Variants in CDK8 observed in about 807,000 individuals in gnomAD.
CDK8 encodes the protein cyclin-dependent kinase 8.
CDK8 carries 29 observed loss-of-function variants against 71.5 expected under a neutral mutation model. The ratio of observed to expected loss-of-function variants is 0.41; its 90% CI spans 0.30 to 0.55. The LOEUF is 0.55. CDK8 is among the 20% of genes least tolerant of loss of function. The probability of loss-of-function intolerance (pLI) is 0.37; values close to 1 mark genes in which losing one functional copy is unlikely to be tolerated. For missense variants in CDK8, 288 were observed against 572.6 expected, an observed-to-expected ratio of 0.50 and a Z score of 5.07; for synonymous variants, 161 against 192.1, an observed-to-expected ratio of 0.84 and a Z score of 1.34.
chr13:26,327,287 C>G (rs1313363416), intron 1 of CDK8, among the ~76,000 whole-genome samples: 1 of 152,044 alleles, frequency 6.6e-6, no homozygotes, highest in African/African-American at 2.4e-5. Context: ...AATTAAATAA[C>G]ATTGTAGGAA....
At chr13:26,331,475 T>G (rs1035948899) in intron 1 of CDK8, among the ~76,000 whole-genome samples, 7 of 152,342 alleles carry the variant, frequency 4.6e-5, no homozygotes, top group Middle Eastern at 3.4e-3. Flanking sequence ...TTGGTTTTGT[T>G]GCCTGTGCTT....
intron 1 of CDK8, among the ~76,000 whole-genome samples, chr13:26,295,879 A>G (rs1040218803): frequency 6.6e-6 from 1 of 152,130 alleles, no homozygotes; most frequent in African/African-American, 2.4e-5. Flanking sequence ...GAAGATGGAG[A>G]TGATCATTTC....
chr13:26,319,948 A>T (rs1387452199), intron 1 of CDK8, among the ~76,000 whole-genome samples: 1 of 152,162 alleles, frequency 6.6e-6, no homozygotes, highest in Non-Finnish European at 1.5e-5. Context: ...TTTTACAAGG[A>T]TGCTAAGGCC....
At chr13:26,400,232 A>G (rs1876190283) in intron 9 of CDK8, 1 of 495,692 alleles carries the variant, frequency 2.0e-6, no homozygotes, top group South Asian at 2.5e-5. Context: ...GTCAGAGAAC[A>G]TAAGCAAGAG....
chr13:26,350,275 A>G (rs1331536069), intron 3 of CDK8, among the ~76,000 whole-genome samples: 1 of 152,166 alleles, frequency 6.6e-6, no homozygotes, highest in Non-Finnish European at 1.5e-5. Flanking sequence ...ACAAAATAAG[A>G]TTCGTGTGAA....
At chr13:26,258,143 C>T (rs1380898327) in intron 1 of CDK8, among the ~76,000 whole-genome samples, 2 of 152,044 alleles carry the variant, frequency 1.3e-5, no homozygotes, top group Admixed American at 6.6e-5. Context: ...GAAACTGAGG[C>T]TTAGAAAGGT....
intron 1 of CDK8, among the ~76,000 whole-genome samples, chr13:26,277,528 G>T (rs1041233377): frequency 6.6e-6 from 1 of 152,182 alleles, no homozygotes; most frequent in Non-Finnish European, 1.5e-5. Context: ...ACTAGAGCAG[G>T]TTTGGAGAAA....
chr13:26,276,012 G>T (rs902978595), intron 1 of CDK8, among the ~76,000 whole-genome samples: 3 of 152,110 alleles, frequency 2.0e-5, no homozygotes, highest in Non-Finnish European at 4.4e-5. Flanking sequence ...ACAGGTGCAT[G>T]CCACTACGGC....
intron 4 of CDK8, among the ~76,000 whole-genome samples, chr13:26,372,603 G>A (rs1198032540): frequency 1.3e-5 from 2 of 152,116 alleles, no homozygotes; most frequent in Non-Finnish European, 2.9e-5. Context: ...AAATGGTAGT[G>A]CTCAGTTGTT....
chr13:26,343,324 CTAAATATTTGTATATCTGAGCATAT>C (rs1873321041), intron 2 of CDK8, among the ~76,000 whole-genome samples: 1 of 151,828 alleles, frequency 6.6e-6, no homozygotes, highest in African/African-American at 2.4e-5. Flanking sequence ...TAACACAATG[CTAAATATTTGTATATCTGAGCATAT>C]TAAATAGAAA....
Position 26,404,833 on chromosome 13 carries a change from A to C in CDK8, c.*752A>C, listed in dbSNP as rs1378875359. The stretch of plus-strand genomic sequence containing the variant: ...CTGTTTGGTTCAGCAAACAAACTAA[A>C]ATGATTGTCATAGACAGTGTTTTAT... On this transcript the variant is annotated 3_prime_UTR_variant, in exon 13 of 13. Transcript: ENST00000381527. 5 of 216,126 alleles carry C rather than the reference A, an allele frequency of 2.3e-5. No individual in the cohort carries two copies. The highest frequency in any genetic ancestry group is 9.0e-5 in the African/African-American group (4 of 44,434). 13.4% of individuals were successfully genotyped at this position (216,126 alleles called of 1,614,324 possible).
intron 1 of CDK8, among the ~76,000 whole-genome samples, chr13:26,288,241 C>T (rs1363069476): frequency 6.6e-6 from 1 of 152,150 alleles, no homozygotes; most frequent in African/African-American, 2.4e-5. Flanking sequence ...GGGTTACAGG[C>T]GTGAGCCACT....
In CDK8 at chr13:26,393,361, T is replaced by C. The variant is rs775575000; in HGVS notation, c.647-6T>C. ...CTTTCTTTTTTTTTTTCTTTTTGTT[T>C]TAAAGATATTTGGGCTATAGGGTGT... On this transcript the variant is annotated splice_region_variant and splice_polypyrimidine_tract_variant and intron_variant, in intron 6 of 12. Transcript: ENST00000381527. The C allele has an allele frequency of 6.6e-7, 1 of 1,512,092 alleles. No individual in the cohort carries two copies. The highest frequency in any genetic ancestry group is 8.9e-7 in the Non-Finnish European group (1 of 1,125,740). 93.7% of individuals were successfully genotyped at this position (1,512,092 alleles called of 1,614,324 possible).
At chr13:26,290,412 A>G (rs1246038153) in intron 1 of CDK8, among the ~76,000 whole-genome samples, 1 of 152,198 alleles carries the variant, frequency 6.6e-6, no homozygotes, top group Non-Finnish European at 1.5e-5. Flanking sequence ...ACAGATATGT[A>G]GTTGTAATAG....
chr13:26,358,256 G>A (rs556543142), intron 4 of CDK8, among the ~76,000 whole-genome samples: 22 of 152,058 alleles, frequency 1.4e-4, no homozygotes, highest in Admixed American at 3.9e-4. Flanking sequence ...CTGGGATCGC[G>A]CCACTGCACT....
At chr13:26,383,621 AAAGTT>A (rs1291606926) in intron 5 of CDK8, among the ~76,000 whole-genome samples, 1 of 152,210 alleles carries the variant, frequency 6.6e-6, no homozygotes, top group African/African-American at 2.4e-5. Context: ...GGATTGTAAC[AAAGTT>A]AATAGCAACT....
intron 1 of CDK8, among the ~76,000 whole-genome samples, chr13:26,263,229 G>A (rs556387548): frequency 5.3e-4 from 81 of 151,976 alleles, no homozygotes; most frequent in African/African-American, 1.7e-3. Context: ...TCCGCTTCCC[G>A]GGTTCACGCC....
chr13:26,326,809 CCT>C (rs1424137880), intron 1 of CDK8, among the ~76,000 whole-genome samples: 1 of 152,168 alleles, frequency 6.6e-6, no homozygotes, highest in African/African-American at 2.4e-5. Flanking sequence ...TAGCCAGACA[CCT>C]AATCTACGGC....
intron 3 of CDK8, among the ~76,000 whole-genome samples, chr13:26,350,408 G>A (rs1433681329): frequency 6.6e-6 from 1 of 152,162 alleles, no homozygotes; most frequent in Non-Finnish European, 1.5e-5. Context: ...GCCAAGACAG[G>A]AAGATCACTT....
Sources: gnomAD v4.1 joint callset for allele counts (sites outside exome capture counted in the v4.1 genomes callset) on GRCh38, gnomAD v4.1.1 for gene constraint, MANE v1.5 for transcripts, NCBI Gene and HGNC (gene_info 2026-07-23, HGNC 2026-07-21) for gene names.